RCAN2: variants seen among roughly 807,000 people sequenced by gnomAD.
RCAN2 encodes the protein calcipressin-2.
A neutral mutation model predicts 23.6 loss-of-function variants in RCAN2; 9 were observed. The observed-to-expected ratio is 0.38, with a 90% CI of 0.23 to 0.67. The LOEUF is 0.67. Ranked by LOEUF, RCAN2 falls within the 30% of genes least tolerant of loss-of-function variation. The pLI is 0.51. For missense variants in RCAN2, 273 were observed against 302.3 expected (o/e 0.90, Z 0.72); for synonymous variants, 109 against 115.7 (o/e 0.94, Z 0.37).
At chr6:46,276,679 A>C (rs1767717578) in intron 2 of RCAN2, among the ~76,000 whole-genome samples, 1 of 152,230 alleles carries the variant, frequency 6.6e-6, no homozygotes, top group Non-Finnish European at 1.5e-5. Context: ...CTGTCCCATA[A>C]GCTCGTACAT....
At chr6:46,327,663 T>G (rs1451677346) in intron 2 of RCAN2, among the ~76,000 whole-genome samples, 1 of 152,254 alleles carries the variant, frequency 6.6e-6, no homozygotes, top group Non-Finnish European at 1.5e-5. Flanking sequence ...TTTTTTCATA[T>G]GCCATGGCAT....
chr6:46,454,474 T>C (rs1767965610), intron 2 of RCAN2, among the ~76,000 whole-genome samples: 1 of 152,038 alleles, frequency 6.6e-6, no homozygotes, highest in Non-Finnish European at 1.5e-5. Flanking sequence ...TATAATTAAG[T>C]CAAAATTAAA....
At chr6:46,321,711 C>T (rs1195863053) in intron 2 of RCAN2, among the ~76,000 whole-genome samples, 3 of 152,212 alleles carry the variant, frequency 2.0e-5, no homozygotes, top group Non-Finnish European at 4.4e-5. Context: ...TCTGAGAAGG[C>T]CCCCCACAGT....
At chr6:46,226,604 A>G (rs1454296828) in intron 4 of RCAN2, among the ~76,000 whole-genome samples, 2 of 152,170 alleles carry the variant, frequency 1.3e-5, no homozygotes, top group Non-Finnish European at 1.5e-5. Flanking sequence ...ATTGGTGTAT[A>G]TGAATGCTTG....
intron 2 of RCAN2, among the ~76,000 whole-genome samples, chr6:46,436,300 C>A (rs538367646): frequency 1.3e-5 from 2 of 152,352 alleles, no homozygotes; most frequent in Admixed American, 1.3e-4. Context: ...GCAACCTCCA[C>A]CTCCTGGGTT....
At chr6:46,241,383 C>A (rs980554663) in intron 4 of RCAN2, among the ~76,000 whole-genome samples, 86 of 152,254 alleles carry the variant, frequency 5.6e-4, no homozygotes, top group African/African-American at 2.0e-3. Flanking sequence ...ACACATTCCC[C>A]AAGGGACTAA....
intron 2 of RCAN2, among the ~76,000 whole-genome samples, chr6:46,366,669 C>G (rs980121350): frequency 6.6e-6 from 1 of 151,998 alleles, no homozygotes; most frequent in Non-Finnish European, 1.5e-5. Flanking sequence ...ACCCCCCAAC[C>G]CAGGGATGTC....
At chr6:46,376,727 A>T (rs889142434) in intron 2 of RCAN2, among the ~76,000 whole-genome samples, 2 of 146,166 alleles carry the variant, frequency 1.4e-5, no homozygotes, top group Non-Finnish European at 3.0e-5. Flanking sequence ...AAAAAAAAAA[A>T]CACGGTAGGC....
At chr6:46,291,026 T>C (rs1449452767) in intron 2 of RCAN2, among the ~76,000 whole-genome samples, 1 of 152,206 alleles carries the variant, frequency 6.6e-6, no homozygotes, top group East Asian at 1.9e-4. Flanking sequence ...AGGCCAGTCA[T>C]GACCTTCACC....
intron 2 of RCAN2, among the ~76,000 whole-genome samples, chr6:46,455,868 GAAAGAA>G (rs1768009001): frequency 7.6e-6 from 1 of 131,790 alleles, no homozygotes; most frequent in African/African-American, 2.9e-5. Context: ...AAAAAAAAAA[GAAAGAA>G]AGAAAGAAAG....
intron 2 of RCAN2, among the ~76,000 whole-genome samples, chr6:46,337,430 C>T (rs1370271867): frequency 1.3e-5 from 2 of 152,170 alleles, no homozygotes. Flanking sequence ...AATGCCTAGA[C>T]TTTAGTTTGA....
rs1048764852 is a variant in RCAN2, at chr6:46,229,455, G to T, written c.572-6154C>A. On this transcript the variant is annotated intron_variant, in intron 4 of 4. Coordinates refer to ENST00000371374, the MANE Select transcript of RCAN2 (RefSeq NM_001251974.2). Reference sequence around the variant, plus strand: ...TTCACATAGTCGCTTATTTCTTGGAGGCTTGTTCATTTCTTTTTATTCTTT... The same window carrying T: ...TTCACATAGTCGCTTATTTCTTGGATGCTTGTTCATTTCTTTTTATTCTTT... Among the ~76,000 whole-genome samples the T allele has an allele frequency of 2.0e-5, 3 of 152,092 alleles. No homozygotes were observed. The East Asian group carries it at 5.8e-4, about 29-fold the overall frequency.
At chr6:46,407,429 A>G (rs1211980302) in intron 2 of RCAN2, among the ~76,000 whole-genome samples, 3 of 152,216 alleles carry the variant, frequency 2.0e-5, no homozygotes. Flanking sequence ...CATTTTTAAA[A>G]CAGTTGTTTT....
At chr6:46,441,529 A>T (rs1767546170) in intron 2 of RCAN2, among the ~76,000 whole-genome samples, 1 of 152,200 alleles carries the variant, frequency 6.6e-6, no homozygotes, top group Non-Finnish European at 1.5e-5. Flanking sequence ...TGGAGTTAAT[A>T]ATAGCTAAAA....
At chr6:46,294,198 T>C (rs1036693108) in intron 2 of RCAN2, among the ~76,000 whole-genome samples, 2 of 152,120 alleles carry the variant, frequency 1.3e-5, no homozygotes, top group African/African-American at 4.8e-5. Flanking sequence ...ACCGACAACA[T>C]GCATAGATGA....
chr6:46,388,197 A>G (rs1013170004), intron 2 of RCAN2, among the ~76,000 whole-genome samples: 1 of 152,174 alleles, frequency 6.6e-6, no homozygotes, highest in African/African-American at 2.4e-5. Flanking sequence ...GCACATGTAT[A>G]CATATGTAAC....
At chr6:46,361,543 C>T (rs983817755) in intron 2 of RCAN2, among the ~76,000 whole-genome samples, 2 of 152,156 alleles carry the variant, frequency 1.3e-5, no homozygotes, top group African/African-American at 4.8e-5. Flanking sequence ...ACCAAGGGAA[C>T]CTGAAAATAC....
At position 46,449,332 on chromosome 6, in the gene RCAN2, A is replaced by C. The variant is rs1767807213; in HGVS notation, c.225+7420T>G. 3.3e-5 allele frequency among the ~76,000 whole-genome samples: 5 copies of C among 151,608 alleles called. No individual in the cohort carries two copies. In the South Asian group the frequency reaches 1.0e-3, roughly 31 times the overall value. On this transcript the variant is annotated intron_variant, in intron 2 of 4. Transcript: ENST00000371374. ...TAATGAAGGAATCTGAAGAAGACAC[A>C]ATAAATGAAAAGATATTCTATCTTC...
chr6:46,235,508 C>T (rs1766059588), intron 4 of RCAN2, among the ~76,000 whole-genome samples: 1 of 152,190 alleles, frequency 6.6e-6, no homozygotes, highest in Non-Finnish European at 1.5e-5. Flanking sequence ...CACATGCATC[C>T]TGACTTACTG....
Sources: gnomAD v4.1 joint callset for allele counts (sites outside exome capture counted in the v4.1 genomes callset) on GRCh38, gnomAD v4.1.1 for gene constraint, MANE v1.5 for transcripts, NCBI Gene and HGNC (gene_info 2026-07-23, HGNC 2026-07-21) for gene names.